Variants in CADPS observed in about 807,000 individuals in gnomAD.
The protein encoded by CADPS is calcium-dependent secretion activator 1.
In CADPS, 57 loss-of-function variants were observed where a neutral mutation model predicts 167.3. That is an observed-to-expected ratio of 0.34 (90% confidence interval 0.28 to 0.42). The LOEUF (loss-of-function observed/expected upper bound fraction) is 0.42. Among genes scored for constraint, CADPS ranks in the 20% least tolerant of loss-of-function variants. CADPS has a pLI of 1.00. For missense variants in CADPS, 1,414 were observed against 1,738.1 expected (o/e 0.81, Z 3.32); for synonymous variants, 676 against 635.3 (o/e 1.06, Z -0.96).
At chr3:62,536,162 C>T (rs1476035308) in intron 12 of CADPS, 5 of 292,400 alleles carry the variant, frequency 1.7e-5, no homozygotes, top group Admixed American at 1.4e-4. Flanking sequence ...AGGTGCCAAA[C>T]TCGATTACCC....
chr3:62,597,407 T>C (rs1253888916), intron 6 of CADPS, among the ~76,000 whole-genome samples: 1 of 152,108 alleles, frequency 6.6e-6, no homozygotes, highest in African/African-American at 2.4e-5. Flanking sequence ...TTATACTTGG[T>C]CATGGGGAAG....
intron 3 of CADPS, among the ~76,000 whole-genome samples, chr3:62,721,610 T>C (rs1236656381): frequency 6.6e-6 from 1 of 152,132 alleles, no homozygotes; most frequent in Non-Finnish European, 1.5e-5. Context: ...TGTCAGTATC[T>C]AGTTTGACAG....
At chr3:62,763,526 T>A (rs1042671616) in intron 2 of CADPS, among the ~76,000 whole-genome samples, 4 of 152,134 alleles carry the variant, frequency 2.6e-5, no homozygotes, top group Non-Finnish European at 5.9e-5. Flanking sequence ...GACCTAGGTA[T>A]CGGTCACTTA....
Position 62,692,167 on chromosome 3 carries a change from A to T in CADPS, c.889-29773T>A, listed in dbSNP as rs115397611. Reference sequence around the variant, plus strand: ...ATCTGAACTGCCTTGGAGTTTGTTTAAAAAAATATATCTATATACATATAT... The same window carrying T: ...ATCTGAACTGCCTTGGAGTTTGTTTTAAAAAATATATCTATATACATATAT... On this transcript the variant is annotated intron_variant, in intron 3 of 29. Transcript: ENST00000383710. Among the ~76,000 whole-genome samples, 566 of 151,926 alleles carry T rather than the reference A, an allele frequency of 3.7e-3. 5 individuals are homozygous for T. Among genetic ancestry groups the T allele is most frequent in the African/African-American group, 0.013 (536 of 41,390 alleles).
At position 62,765,922 on chromosome 3, in the gene CADPS, G is replaced by T; in HGVS notation, c.504C>A (p.Thr168=). The change falls in exon 2 of 30, where the codon ACC becomes ACA. Residue 168 remains threonine, a synonymous_variant. Transcript: ENST00000383710. ...TGAAGGCTTCGTCAGCCATGATCTG[G>T]GTTTCCCCATTGAGGAAAGCCTGAA... ...DRFQAFLNGE[T]QIMADEAFMN... is the part of the protein sequence containing the mutation. 1 of 1,613,446 alleles carries T rather than the reference G, an allele frequency of 6.2e-7. No individual in the cohort carries two copies. Among genetic ancestry groups the T allele is most frequent in the Non-Finnish European group, 8.5e-7 (1 of 1,179,542 alleles).
intron 1 of CADPS, among the ~76,000 whole-genome samples, chr3:62,857,446 G>T (rs73097471): frequency 6.6e-6 from 1 of 151,788 alleles, no homozygotes; most frequent in Non-Finnish European, 1.5e-5. Context: ...GCTTACTGCA[G>T]AATGTATAGA....
At chr3:62,866,710 G>C (rs1187605894) in intron 1 of CADPS, among the ~76,000 whole-genome samples, 1 of 152,086 alleles carries the variant, frequency 6.6e-6, no homozygotes, top group African/African-American at 2.4e-5. Context: ...AAATACTGTG[G>C]AGGAGTTTGG....
chr3:62,587,916 A>G (rs1437986869), intron 7 of CADPS, among the ~76,000 whole-genome samples: 1 of 152,154 alleles, frequency 6.6e-6, no homozygotes, highest in Non-Finnish European at 1.5e-5. Flanking sequence ...CTGAATTATG[A>G]GGGTCCTTCT....
intron 1 of CADPS, among the ~76,000 whole-genome samples, chr3:62,806,955 CT>C (rs1315562935): frequency 6.6e-6 from 1 of 150,990 alleles, no homozygotes; most frequent in Non-Finnish European, 1.5e-5. Flanking sequence ...ACAGTGAAGG[CT>C]ACAGTCCAAA....
At chr3:62,533,193 C>T (rs1230263886) in intron 12 of CADPS, 135 bp from the exon 13 acceptor site, 4 of 690,532 alleles carry the variant, frequency 5.8e-6, no homozygotes, top group Non-Finnish European at 9.8e-6. Context: ...TATTATGTGC[C>T]AGCCACTGTG....
chr3:62,712,469 C>T (rs996120690), intron 3 of CADPS, among the ~76,000 whole-genome samples: 1 of 152,106 alleles, frequency 6.6e-6, no homozygotes, highest in Non-Finnish European at 1.5e-5. Flanking sequence ...TTTTCATATG[C>T]TTGTTGCATG....
At chr3:62,636,136 C>T (rs1468915008) in intron 6 of CADPS, among the ~76,000 whole-genome samples, 2 of 152,240 alleles carry the variant, frequency 1.3e-5, no homozygotes, top group African/African-American at 4.8e-5. Flanking sequence ...AAGTTCTTTG[C>T]ATATGTTAAA....
intron 2 of CADPS, among the ~76,000 whole-genome samples, chr3:62,757,559 C>G (rs1231814): frequency 0.91 from 138,044 of 152,176 alleles, 62,741 homozygotes; most frequent in African/African-American, 0.95. Context: ...AGAAGGTCAA[C>G]GGGAAACCAG....
At chr3:62,517,295 G>C (rs1343294583) in intron 14 of CADPS, among the ~76,000 whole-genome samples, 1 of 152,150 alleles carries the variant, frequency 6.6e-6, no homozygotes, top group African/African-American at 2.4e-5. Flanking sequence ...GCATGGGACA[G>C]AGAGACTAGC....
chr3:62,687,827 T>C lies in CADPS; in HGVS notation c.889-25433A>G, dbSNP rs1417835024. On this transcript the variant is annotated intron_variant, in intron 3 of 29. Transcript: ENST00000383710. ...TCTTTTTCTACAACTAATAAAGAAC[T>C]TTCAAATATATTAGACCACCTAAAC... Among the ~76,000 whole-genome samples the C allele has an allele frequency of 1.3e-4, 19 of 149,992 alleles. No individual in the cohort carries two copies. In the Admixed American group the frequency reaches 1.3e-3, roughly 10 times the overall value.
chr3:62,734,922 A>T (rs1666150668), intron 3 of CADPS, among the ~76,000 whole-genome samples: 1 of 152,182 alleles, frequency 6.6e-6, no homozygotes, highest in African/African-American at 2.4e-5. Flanking sequence ...ATTTGTAAAG[A>T]GTAAAATAGT....
intron 2 of CADPS, among the ~76,000 whole-genome samples, chr3:62,765,397 T>G (rs979461479): frequency 1.3e-5 from 2 of 152,138 alleles, no homozygotes; most frequent in Admixed American, 1.3e-4. Flanking sequence ...GAAAGCAGCA[T>G]TTTTAAAAAA....
At chr3:62,710,249 A>G (rs2083136634) in intron 3 of CADPS, among the ~76,000 whole-genome samples, 1 of 151,554 alleles carries the variant, frequency 6.6e-6, no homozygotes, top group African/African-American at 2.4e-5. Flanking sequence ...GTGGTTCTCA[A>G]TCCTGGATGC....
chr3:62,472,403 G>T (rs1051557946), intron 24 of CADPS, among the ~76,000 whole-genome samples: 3 of 152,164 alleles, frequency 2.0e-5, no homozygotes, highest in African/African-American at 7.2e-5. Flanking sequence ...AATTAAGGAG[G>T]AACAGGATTC....
Sources: gnomAD v4.1 joint callset for allele counts (sites outside exome capture counted in the v4.1 genomes callset) on GRCh38, gnomAD v4.1.1 for gene constraint, MANE v1.5 for transcripts, NCBI Gene and HGNC (gene_info 2026-07-23, HGNC 2026-07-21) for gene names.